The following DGKB variants were observed in gnomAD, a reference collection of about 807,000 sequenced individuals.
The protein encoded by DGKB is 90 kDa diacylglycerol kinase.
A neutral mutation model predicts 114.3 loss-of-function variants in DGKB; 67 were observed. The observed-to-expected ratio is 0.59, with a 90% confidence interval of 0.48 to 0.72. The LOEUF (loss-of-function observed/expected upper bound fraction) is 0.72. Among genes scored for constraint, DGKB ranks in the 30% least tolerant of loss-of-function variants. The probability of loss-of-function intolerance (pLI) is 0.00; values close to 1 mark genes in which losing one functional copy is unlikely to be tolerated. For missense variants in DGKB, 907 were observed against 975.2 expected (o/e 0.93, Z 0.93); for synonymous variants, 398 against 323.1 (o/e 1.23, Z -2.49).
At chr7:14,301,172 T>A (rs1372649290) in intron 23 of DGKB, among the ~76,000 whole-genome samples, 2 of 152,154 alleles carry the variant, frequency 1.3e-5, no homozygotes, top group Non-Finnish European at 2.9e-5. Context: ...TGCATCATCT[T>A]ATAAATATAT....
intron 20 of DGKB, among the ~76,000 whole-genome samples, chr7:14,489,472 T>C (rs1427557867): frequency 6.6e-6 from 1 of 152,224 alleles, no homozygotes; most frequent in Admixed American, 6.5e-5. Flanking sequence ...ATTACATTTA[T>C]ATGTCTCAGG....
intron 21 of DGKB, among the ~76,000 whole-genome samples, chr7:14,457,040 A>G (rs1832386516): frequency 6.6e-6 from 1 of 152,168 alleles, no homozygotes; most frequent in Admixed American, 6.6e-5. Context: ...AGTAGAAATG[A>G]CAGCATTAAC....
At chr7:14,426,965 C>G (rs970124473) in intron 21 of DGKB, among the ~76,000 whole-genome samples, 2 of 151,866 alleles carry the variant, frequency 1.3e-5, no homozygotes, top group African/African-American at 4.8e-5. Flanking sequence ...GAGGCTGAGG[C>G]ATGAAAATCA....
intron 23 of DGKB, among the ~76,000 whole-genome samples, chr7:14,182,222 T>A (rs542902503): frequency 6.6e-6 from 1 of 152,012 alleles, no homozygotes; most frequent in African/African-American, 2.4e-5. Flanking sequence ...CATTAAATTT[T>A]ATTTTTTTTA....
chr7:14,166,769 G>C (rs1360521797), intron 25 of DGKB, among the ~76,000 whole-genome samples: 1 of 152,000 alleles, frequency 6.6e-6, no homozygotes, highest in African/African-American at 2.4e-5. Context: ...CTCTACTCTT[G>C]CACCTCCTGG....
intron 20 of DGKB, among the ~76,000 whole-genome samples, chr7:14,484,628 C>A (rs4607508): frequency 0.33 from 50,038 of 152,138 alleles, 8,682 homozygotes; most frequent in South Asian, 0.41. Flanking sequence ...GCTGTACAGT[C>A]TGCAGAACCT....
chr7:14,949,415 A>G (rs908807520), intron 1 of DGKB, among the ~76,000 whole-genome samples: 1 of 151,958 alleles, frequency 6.6e-6, no homozygotes, highest in African/African-American at 2.4e-5. Context: ...GAAAAATTAC[A>G]CACATCATAT....
chr7:14,724,343 A>G, intron 5 of DGKB, among the ~76,000 whole-genome samples: 1 of 152,306 alleles, frequency 6.6e-6, no homozygotes, highest in East Asian at 1.9e-4. Context: ...GTAGTATATT[A>G]TAATTATCTT....
intron 10 of DGKB, among the ~76,000 whole-genome samples, chr7:14,683,399 G>A (rs926720039): frequency 6.6e-6 from 1 of 152,132 alleles, no homozygotes. Context: ...TTGTCCAAAA[G>A]CAACAGCCTT....
intron 21 of DGKB, among the ~76,000 whole-genome samples, chr7:14,462,071 A>G (rs905538482): frequency 6.6e-6 from 1 of 152,058 alleles, no homozygotes; most frequent in Admixed American, 6.6e-5. Flanking sequence ...CACGCTAAAA[A>G]CTCTCAATAA....
At chr7:14,635,523 T>A (rs1216805379) in intron 13 of DGKB, among the ~76,000 whole-genome samples, 1 of 151,482 alleles carries the variant, frequency 6.6e-6, no homozygotes, top group Non-Finnish European at 1.5e-5. Flanking sequence ...AAGAAAACTA[T>A]GAAATCGAGG....
chr7:14,916,641 A>G (rs1784252228), intron 1 of DGKB, among the ~76,000 whole-genome samples: 1 of 152,116 alleles, frequency 6.6e-6, no homozygotes. Flanking sequence ...AGCATTAAAG[A>G]ACATGAGGCA....
At chr7:14,174,064 A>C (rs1225768228) in intron 25 of DGKB, among the ~76,000 whole-genome samples, 1 of 152,224 alleles carries the variant, frequency 6.6e-6, no homozygotes, top group Non-Finnish European at 1.5e-5. Flanking sequence ...CAATAGGCAG[A>C]CATTTTCAAG....
At chr7:14,582,364 T>C (rs1800059373) in intron 18 of DGKB, among the ~76,000 whole-genome samples, 1 of 152,148 alleles carries the variant, frequency 6.6e-6, no homozygotes, top group Non-Finnish European at 1.5e-5. Context: ...CCTTATATCC[T>C]CAGTGATGTT....
intron 17 of DGKB, among the ~76,000 whole-genome samples, chr7:14,603,274 A>G (rs1286522424): frequency 6.6e-6 from 1 of 152,168 alleles, no homozygotes; most frequent in Non-Finnish European, 1.5e-5. Context: ...ATGATTAATC[A>G]TGAGAAGGAT....
intron 21 of DGKB, among the ~76,000 whole-genome samples, chr7:14,373,616 A>C (rs1449198368): frequency 1.3e-5 from 2 of 152,128 alleles, no homozygotes; most frequent in African/African-American, 4.8e-5. Context: ...TGAAAAAGAA[A>C]GGGAAGGGAC....
intron 2 of DGKB, among the ~76,000 whole-genome samples, chr7:14,780,435 T>C (rs1482938392): frequency 2.6e-5 from 4 of 152,210 alleles, no homozygotes; most frequent in Non-Finnish European, 4.4e-5. Context: ...AGGCATATAA[T>C]AGTGTTATTT....
intron 21 of DGKB, among the ~76,000 whole-genome samples, chr7:14,404,808 C>G (rs1331102851): frequency 6.6e-6 from 1 of 151,776 alleles, no homozygotes; most frequent in African/African-American, 2.4e-5. Flanking sequence ...GTCTGGGAAC[C>G]TACACTCTCT....
intron 23 of DGKB, among the ~76,000 whole-genome samples, chr7:14,288,740 A>G (rs1436627971): frequency 6.6e-6 from 1 of 152,052 alleles, no homozygotes; most frequent in Non-Finnish European, 1.5e-5. Context: ...CAATGTTTTC[A>G]TTGTTTACAT....
Sources: gnomAD v4.1 joint callset for allele counts (sites outside exome capture counted in the v4.1 genomes callset) on GRCh38, gnomAD v4.1.1 for gene constraint, MANE v1.5 for transcripts, NCBI Gene and HGNC (gene_info 2026-07-23, HGNC 2026-07-21) for gene names.